MDH2: variants seen among roughly 807,000 people sequenced by gnomAD.
The protein encoded by MDH2 is malate dehydrogenase 2, also known as malate dehydrogenase, mitochondrial.
A neutral mutation model predicts 33.6 loss-of-function variants in MDH2; 25 were observed. That is an observed-to-expected ratio of 0.74 (90% CI 0.54 to 1.04). The LOEUF is 1.04. MDH2 is among the 50% of genes least tolerant of loss of function. The probability of loss-of-function intolerance (pLI) is 0.00; values close to 1 mark genes in which losing one functional copy is unlikely to be tolerated. For missense variants in MDH2, 432 were observed against 445.0 expected (o/e 0.97, Z 0.26); for synonymous variants, 193 against 188.7 (o/e 1.02, Z -0.19).
At position 76,051,224 on chromosome 7, in the gene MDH2, T is replaced by C. The variant is rs140620221; in HGVS notation, c.66+2998T>C. Among the ~76,000 whole-genome samples the C allele has an allele frequency of 4.3e-3, 652 of 152,218 alleles. 1 individual carries two copies. The highest frequency in any genetic ancestry group is 7.9e-3 in the Admixed American group (121 of 15,278). On this transcript the variant is annotated intron_variant, in intron 1 of 8. Transcript: ENST00000315758. ...TCATATGTTCAATTTAAAATGCCTGTTGGGCATACAAGCGACATTGTTGAG... is the reference window on the plus strand; with the variant it reads ...TCATATGTTCAATTTAAAATGCCTGCTGGGCATACAAGCGACATTGTTGAG...
intron 1 of MDH2, 174 bp downstream of exon 1, chr7:76,048,400 G>A (rs977829149): frequency 1.7e-5 from 20 of 1,161,708 alleles, no homozygotes; most frequent in Admixed American, 9.5e-5. Flanking sequence ...CTGGAGGTGC[G>A]GGGGAGAAAG....
At chr7:76,050,615 G>A (rs1554585278) in intron 1 of MDH2, among the ~76,000 whole-genome samples, 1 of 152,192 alleles carries the variant, frequency 6.6e-6, no homozygotes, top group East Asian at 1.9e-4. Context: ...GTTTTCAGCT[G>A]CGTAATGACT....
intron 5 of MDH2, among the ~76,000 whole-genome samples, chr7:76,061,892 A>T (rs1797964195): frequency 6.6e-6 from 1 of 152,202 alleles, no homozygotes; most frequent in Non-Finnish European, 1.5e-5. Context: ...ATTTATGGTT[A>T]AATAACATTA....
intron 4 of MDH2, among the ~76,000 whole-genome samples, 180 bp from the exon 5 acceptor site, chr7:76,060,193 G>A (rs1406380651): frequency 1.3e-5 from 2 of 152,216 alleles, no homozygotes; most frequent in Admixed American, 6.5e-5. Context: ...CACATGGTGC[G>A]GCCTGTCCTT....
chr7:76,054,934 T>C lies in MDH2; in HGVS notation c.171T>C (p.Asp57=), dbSNP rs1585402528. 2 of 1,614,120 alleles carry C rather than the reference T, an allele frequency of 1.2e-6. No homozygotes were observed. The highest frequency in any genetic ancestry group is 1.7e-6 in the Non-Finnish European group (2 of 1,180,014). Reference sequence around the variant, plus strand: ...TGGTGAGCCGCCTGACCCTCTATGATATCGCGCACACACCCGGAGTGGCCG... The same window carrying C: ...TGGTGAGCCGCCTGACCCTCTATGACATCGCGCACACACCCGGAGTGGCCG... ...SPLVSRLTLY[D]IAHTPGVAAD... is the part of the protein sequence containing the mutation. Residue 57 remains aspartate, a synonymous_variant, in exon 2 of 9, where the codon GAT becomes GAC. Coordinates refer to ENST00000315758, the MANE Select transcript of MDH2 (RefSeq NM_005918.4).
At chr7:76,055,030 T>C in intron 2 of MDH2, 32 bp downstream of exon 2, 2 of 1,579,360 alleles carry the variant, frequency 1.3e-6, no homozygotes, top group Non-Finnish European at 1.7e-6. Context: ...GAGACTTGCT[T>C]CCTGTCCCCA....
At chr7:76,055,935 C>G (rs531039066) in intron 2 of MDH2, among the ~76,000 whole-genome samples, 2 of 150,404 alleles carry the variant, frequency 1.3e-5, no homozygotes, top group East Asian at 4.0e-4. Flanking sequence ...TCAAGTGATT[C>G]TCCTGCCTCA....
chr7:76,057,363 T>G, intron 2 of MDH2, 47 bp from the exon 3 acceptor site: 1 of 1,609,482 alleles, frequency 6.2e-7, no homozygotes, highest in Non-Finnish European at 8.5e-7. Context: ...TCCAGGCCTC[T>G]CTGAATCAGA....
chr7:76,060,286 G>C, intron 4 of MDH2, 87 bp from the exon 5 acceptor site: 1 of 1,545,976 alleles, frequency 6.5e-7, no homozygotes, highest in South Asian at 1.2e-5. Context: ...CCTTTGGGAA[G>C]GTCTGACAAA....
At chr7:76,048,817 G>C (rs1797442819) in intron 1 of MDH2, 2 of 1,216,780 alleles carry the variant, frequency 1.6e-6, no homozygotes, top group Non-Finnish European at 2.0e-6. Flanking sequence ...GCCGCCAGGT[G>C]TCTTAACAGT....
At chr7:76,063,626 G>A (rs781854262) in intron 6 of MDH2, 34 bp downstream of exon 6, 11 of 1,596,736 alleles carry the variant, frequency 6.9e-6, no homozygotes, top group South Asian at 1.1e-5. Flanking sequence ...GGGCTTCGAG[G>A]TCAGGATTCC....
At chr7:76,052,782 G>A (rs1361232958) in intron 1 of MDH2, among the ~76,000 whole-genome samples, 1 of 152,046 alleles carries the variant, frequency 6.6e-6, no homozygotes, top group Non-Finnish European at 1.5e-5. Flanking sequence ...CTGACTTAAG[G>A]TGATCCACCT....
intron 1 of MDH2, among the ~76,000 whole-genome samples, chr7:76,052,022 C>T (rs1290866536): frequency 1.3e-5 from 2 of 152,194 alleles, no homozygotes; most frequent in East Asian, 1.9e-4. Flanking sequence ...CAAACAGTGA[C>T]ATCACCTTGA....
At chr7:76,065,139 G>A in intron 8 of MDH2, 186 bp downstream of exon 8, 1 of 628,756 alleles carries the variant, frequency 1.6e-6, no homozygotes, top group East Asian at 3.0e-5. Flanking sequence ...ACTGTGAAGG[G>A]TGAACCTCCC....
chr7:76,056,967 C>T (rs1413000571), intron 2 of MDH2, among the ~76,000 whole-genome samples: 1 of 151,360 alleles, frequency 6.6e-6, no homozygotes, highest in Non-Finnish European at 1.5e-5. Flanking sequence ...GAGCCAAGAT[C>T]ACACCACTGC....
Position 76,057,538 on chromosome 7 carries a change from G to A in MDH2, c.319+45G>A, listed in dbSNP as rs1484118096. 3.8e-6 allele frequency: 6 copies of A among 1,576,128 alleles called. No individual in the cohort carries two copies. The African/African-American group carries it at 8.1e-5, about 21-fold the overall frequency. On this transcript the variant is annotated intron_variant, in intron 3 of 8. Transcript: ENST00000315758. ...GTCTGGTACCTCCCCACGTGAAGAT[G>A]TGGGGATTAAATCCATTTCCTATTA... is the stretch of plus-strand genomic sequence containing the variant.
chr7:76,051,613 G>A (rs1277890492), intron 1 of MDH2, among the ~76,000 whole-genome samples: 7 of 152,170 alleles, frequency 4.6e-5, no homozygotes, highest in African/African-American at 7.2e-5. Flanking sequence ...GAGCCACCAC[G>A]CCTAGCTGGA....
At chr7:76,055,134 T>G in intron 2 of MDH2, 136 bp downstream of exon 2, 1 of 1,004,748 alleles carries the variant, frequency 1.0e-6, no homozygotes, top group Non-Finnish European at 1.4e-6. Flanking sequence ...ATTTTACAAG[T>G]GATTACACCC....
chr7:76,049,385 A>G (rs1049985476), intron 1 of MDH2, among the ~76,000 whole-genome samples: 4 of 152,208 alleles, frequency 2.6e-5, no homozygotes, highest in Non-Finnish European at 4.4e-5. Context: ...GTGCTTGCCA[A>G]CAACTATGCT....
Sources: gnomAD v4.1 joint callset for allele counts (sites outside exome capture counted in the v4.1 genomes callset) on GRCh38, gnomAD v4.1.1 for gene constraint, MANE v1.5 for transcripts, NCBI Gene and HGNC (gene_info 2026-07-23, HGNC 2026-07-21) for gene names.